The following LHPP variants were observed in gnomAD, a reference collection of about 807,000 sequenced individuals.
LHPP encodes the protein phospholysine phosphohistidine inorganic pyrophosphate phosphatase.
Under a neutral mutation model 30.3 loss-of-function variants are expected in LHPP, and 24 were observed. That is an observed-to-expected ratio of 0.79 (90% CI 0.57 to 1.11). The LOEUF is 1.11. LHPP is among the 50% of genes most tolerant of loss of function. The pLI, the probability that LHPP is intolerant of heterozygous loss-of-function variation, is 0.00. For synonymous variants in LHPP, 150 were observed against 157.1 expected, an observed-to-expected ratio of 0.95 and a Z score of 0.34; for missense variants, 356 against 367.2, an observed-to-expected ratio of 0.97 and a Z score of 0.25.
chr10:124,486,329 C>T (rs1194079994), intron 2 of LHPP, among the ~76,000 whole-genome samples: 1 of 152,140 alleles, frequency 6.6e-6, no homozygotes, highest in African/African-American at 2.4e-5. Context: ...ATAAGTTTTC[C>T]TATTCTAGAA....
rs371126495 is a variant in LHPP, at chr10:124,472,057, A to T, written c.125+10070A>T. On this transcript the variant is annotated intron_variant, in intron 1 of 6. Coordinates refer to ENST00000368842, the MANE Select transcript of LHPP (RefSeq NM_022126.4). ...CTGGGTGCAGTGGCTCACGCCTGTA[A>T]TCCCTGCACTTTGGGAGGCCAAAGC... Among the ~76,000 whole-genome samples the T allele has an allele frequency of 1.1e-4, 16 of 152,166 alleles. No individual in the cohort carries two copies. In the East Asian group the frequency reaches 3.1e-3, roughly 29 times the overall value.
At chr10:124,535,805 C>G (rs1955009128) in intron 6 of LHPP, among the ~76,000 whole-genome samples, 1 of 152,248 alleles carries the variant, frequency 6.6e-6, no homozygotes, top group Non-Finnish European at 1.5e-5. Flanking sequence ...GACACTCAGG[C>G]CTGTTGAATC....
intron 6 of LHPP, among the ~76,000 whole-genome samples, chr10:124,559,693 C>T (rs1948360082): frequency 1.3e-5 from 2 of 152,246 alleles, no homozygotes; most frequent in Non-Finnish European, 1.5e-5. Flanking sequence ...TTTTCTCAGT[C>T]CTGGAGGACT....
intron 5 of LHPP, among the ~76,000 whole-genome samples, chr10:124,506,819 G>T (rs867726866): frequency 4.1e-4 from 14 of 34,062 alleles, no homozygotes; most frequent in Non-Finnish European, 6.1e-4. Context: ...GATTTCAGGT[G>T]GGGGGGTAGG....
intron 6 of LHPP, among the ~76,000 whole-genome samples, chr10:124,575,908 G>A (rs1372003411): frequency 6.6e-6 from 1 of 152,222 alleles, no homozygotes; most frequent in African/African-American, 2.4e-5. Context: ...ACGGCAGAGA[G>A]CCAGGGCTGG....
At chr10:124,503,063 AATTCTTTT>A (rs893405269) in intron 5 of LHPP, among the ~76,000 whole-genome samples, 5 of 151,294 alleles carry the variant, frequency 3.3e-5, no homozygotes, top group African/African-American at 1.2e-4. Context: ...ATCTCTTGAT[AATTCTTTT>A]ATTTTTTTAT....
At chr10:124,574,020 C>T (rs1336974672) in intron 6 of LHPP, among the ~76,000 whole-genome samples, 1 of 152,174 alleles carries the variant, frequency 6.6e-6, no homozygotes, top group African/African-American at 2.4e-5. Flanking sequence ...AGGTGTCACC[C>T]ATGGAGGCTG....
chr10:124,555,188 A>T (rs1948274790), intron 6 of LHPP, among the ~76,000 whole-genome samples: 1 of 151,988 alleles, frequency 6.6e-6, no homozygotes, highest in African/African-American at 2.4e-5. Flanking sequence ...GCCAGTGGGG[A>T]TGGGTGAGGG....
chr10:124,594,567 C>T (rs575480857), intron 6 of LHPP, among the ~76,000 whole-genome samples: 5 of 152,078 alleles, frequency 3.3e-5, no homozygotes, highest in Admixed American at 2.6e-4. Flanking sequence ...GGTCGAACGT[C>T]TCCTTTTCTA....
intron 6 of LHPP, among the ~76,000 whole-genome samples, chr10:124,588,484 A>G (rs1209317279): frequency 6.6e-6 from 1 of 152,108 alleles, no homozygotes; most frequent in Non-Finnish European, 1.5e-5. Flanking sequence ...GAATTTCGCC[A>G]TGTTGACCAG....
At chr10:124,536,342 A>G (rs990952082) in intron 6 of LHPP, among the ~76,000 whole-genome samples, 1 of 152,224 alleles carries the variant, frequency 6.6e-6, no homozygotes, top group Admixed American at 6.5e-5. Flanking sequence ...TGGAACCAGG[A>G]AAGAGGAAGC....
chr10:124,611,003 AATGAAGC>A (rs1949189474), intron 6 of LHPP, among the ~76,000 whole-genome samples: 1 of 10,080 alleles, frequency 9.9e-5, no homozygotes, highest in Admixed American at 1.2e-3. Flanking sequence ...TGAGGGTGTT[AATGAAGC>A]GGGTGCGGGT....
chr10:124,551,979 C>T (rs1948177045), intron 6 of LHPP, among the ~76,000 whole-genome samples: 1 of 152,154 alleles, frequency 6.6e-6, no homozygotes, highest in South Asian at 2.1e-4. Context: ...AGCCTCCCCA[C>T]TGAGCACAGG....
In LHPP at chr10:124,591,701, C is replaced by G. The variant is rs1017774199; in HGVS notation, c.717-21563C>G. ...ATCAATTTCAGATCTTTCCTCTCTT[C>G]TAACAAGCATTTGGTACTATGAATT... On this transcript the variant is annotated intron_variant, in intron 6 of 6. Coordinates refer to ENST00000368842, the MANE Select transcript of LHPP (RefSeq NM_022126.4). Among the ~76,000 whole-genome samples the G allele has an allele frequency of 2.6e-5, 4 of 152,142 alleles. No homozygotes were observed. In the East Asian group the frequency reaches 7.8e-4, roughly 30 times the overall value.
chr10:124,490,499 A>G (rs1483540890), intron 3 of LHPP: 2 of 355,582 alleles, frequency 5.6e-6, no homozygotes, highest in African/African-American at 2.2e-5. Context: ...AGGCAGGTGG[A>G]CATTCTTCTT....
At chr10:124,553,697 G>A (rs1214621252) in intron 6 of LHPP, among the ~76,000 whole-genome samples, 1 of 152,090 alleles carries the variant, frequency 6.6e-6, no homozygotes, top group African/African-American at 2.4e-5. Context: ...CTGACCTTGT[G>A]ATCCGCCCGC....
At chr10:124,539,412 C>G (rs558320004) in intron 6 of LHPP, among the ~76,000 whole-genome samples, 1 of 151,964 alleles carries the variant, frequency 6.6e-6, no homozygotes, top group South Asian at 2.1e-4. Flanking sequence ...ATTGCTTGAG[C>G]CCAGGAGTTT....
intron 6 of LHPP, among the ~76,000 whole-genome samples, chr10:124,577,999 C>A (rs1948690909): frequency 6.6e-6 from 1 of 152,188 alleles, no homozygotes; most frequent in African/African-American, 2.4e-5. Context: ...TTTCCAAGGG[C>A]TGGAAGGACC....
At chr10:124,571,299 G>A (rs888557635) in intron 6 of LHPP, among the ~76,000 whole-genome samples, 8 of 152,218 alleles carry the variant, frequency 5.3e-5, no homozygotes, top group African/African-American at 1.7e-4. Flanking sequence ...GTGTGGACAC[G>A]TTTCCAGTTG....
Sources: allele counts gnomAD v4.1 joint callset (sites outside exome capture counted in the v4.1 genomes callset), GRCh38; gene constraint gnomAD v4.1.1; transcripts MANE v1.5; gene names NCBI Gene and HGNC (gene_info 2026-07-23, HGNC 2026-07-21).